The following PRELID2 variants were observed in gnomAD, a reference collection of about 807,000 sequenced individuals.
PRELID2 encodes PRELI domain containing 2.
A neutral mutation model predicts 28.4 loss-of-function variants in PRELID2; 25 were observed. The observed-to-expected ratio is 0.88, with a 90% CI of 0.64 to 1.23. PRELID2 has a LOEUF of 1.23. Among genes scored for constraint, PRELID2 ranks in the 50% most tolerant of loss-of-function variants. The pLI is 0.00. For synonymous variants in PRELID2, 76 were observed against 71.6 expected (o/e 1.06, Z -0.31); for missense variants, 201 against 214.4 (o/e 0.94, Z 0.39).
In PRELID2 at chr5:145,713,450, ATG is replaced by A. The variant is rs1755755413; in HGVS notation, n.70+51479_70+51480del. Among the ~76,000 whole-genome samples, 4 of 144,902 alleles carry A rather than the reference ATG, an allele frequency of 2.8e-5. No individual in the cohort carries two copies. The Admixed American group carries it at 2.8e-4, about 10-fold the overall frequency. The stretch of plus-strand genomic sequence containing the variant: ...TCTGACTTTATATATATACATATAT[ATG>A]TATACTTTATATATATATACACACA... On this transcript the variant is annotated intron_variant and non_coding_transcript_variant, in intron 1 of 2. Transcript: ENST00000510259.
At chr5:145,525,435 G>C (rs182401272) in intron 1 of PRELID2, among the ~76,000 whole-genome samples, 3 of 152,238 alleles carry the variant, frequency 2.0e-5, no homozygotes, top group Admixed American at 1.3e-4. Flanking sequence ...AAATAATATG[G>C]AGTTGAGGGT....
At chr5:145,647,385 T>C (rs1276349144) in intron 1 of PRELID2, among the ~76,000 whole-genome samples, 1 of 152,034 alleles carries the variant, frequency 6.6e-6, no homozygotes, top group East Asian at 1.9e-4. Flanking sequence ...ACCTCAACCA[T>C]CCCAGTTTGA....
the PRELID2 span, among the ~76,000 whole-genome samples, chr5:145,357,006 T>G: frequency 1.3e-5 from 2 of 152,194 alleles, no homozygotes; most frequent in Non-Finnish European, 2.9e-5. Flanking sequence ...AAGTTTAGTT[T>G]GGCTGTATAT....
the PRELID2 span, among the ~76,000 whole-genome samples, chr5:145,403,255 G>C: frequency 6.6e-6 from 1 of 152,160 alleles, no homozygotes; most frequent in African/African-American, 2.4e-5. Context: ...AAAGGGACCA[G>C]TGCCAGGTGT....
At chr5:145,557,323 T>A (rs1254754812) in intron 1 of PRELID2, among the ~76,000 whole-genome samples, 2 of 152,128 alleles carry the variant, frequency 1.3e-5, no homozygotes, top group Non-Finnish European at 2.9e-5. Context: ...ATGAATGAGG[T>A]AGAGACAACA....
chr5:145,320,221 G>A, the PRELID2 span, among the ~76,000 whole-genome samples: 5 of 151,842 alleles, frequency 3.3e-5, no homozygotes, highest in African/African-American at 1.2e-4. Flanking sequence ...ACTTGCACTT[G>A]GCATTTCCTG....
At chr5:145,743,885 G>C (rs962813152) in intron 1 of PRELID2, among the ~76,000 whole-genome samples, 13 of 152,256 alleles carry the variant, frequency 8.5e-5, no homozygotes, top group African/African-American at 3.1e-4. Flanking sequence ...GGGAGGAGCA[G>C]TGGCCAGCAT....
the PRELID2 span, among the ~76,000 whole-genome samples, chr5:145,255,213 G>T: frequency 6.6e-6 from 1 of 151,980 alleles, no homozygotes; most frequent in African/African-American, 2.4e-5. Context: ...TACTGTTAAG[G>T]GAGGAAATAA....
chr5:145,827,289 A>C (rs59985240), intron 1 of PRELID2, among the ~76,000 whole-genome samples: 6,316 of 152,304 alleles, frequency 0.041, 431 homozygotes, highest in African/African-American at 0.14. Context: ...ACCATAGTCT[A>C]TCTCAGAAGA....
rs531477179 is a variant in PRELID2 at position 145,767,245 on chromosome 5, G to T, written c.475-2245C>A. 2.0e-5 allele frequency among the ~76,000 whole-genome samples: 3 copies of T among 151,706 alleles called. No individual in the cohort carries two copies. In the South Asian group the frequency reaches 6.2e-4, roughly 32 times the overall value. On this transcript the variant is annotated intron_variant, in intron 5 of 6. Transcript: ENST00000683046. ...GGAGAGAAGCAGCTTGACTTCAGAGGGATGGCTTGATGGCAGGACCTCAGA... is the reference window on the plus strand; with the variant it reads ...GGAGAGAAGCAGCTTGACTTCAGAGTGATGGCTTGATGGCAGGACCTCAGA...
intron 1 of PRELID2, among the ~76,000 whole-genome samples, chr5:145,629,483 T>C (rs1753902445): frequency 6.6e-6 from 1 of 152,234 alleles, no homozygotes; most frequent in Non-Finnish European, 1.5e-5. Context: ...TGTGGGAATT[T>C]GGAAGTAAAG....
At chr5:145,397,649 G>A in the PRELID2 span, among the ~76,000 whole-genome samples, 1 of 152,166 alleles carries the variant, frequency 6.6e-6, no homozygotes, top group Non-Finnish European at 1.5e-5. Flanking sequence ...GGGACCCTGG[G>A]AGAGAAGATA....
At chr5:145,429,227 G>A in the PRELID2 span, among the ~76,000 whole-genome samples, 6 of 152,216 alleles carry the variant, frequency 3.9e-5, no homozygotes, top group Non-Finnish European at 7.3e-5. Context: ...TGAACCTGAT[G>A]ATAGTGGTAG....
At chr5:145,382,290 C>CT in the PRELID2 span, among the ~76,000 whole-genome samples, 2 of 151,758 alleles carry the variant, frequency 1.3e-5, no homozygotes, top group Admixed American at 6.6e-5. Context: ...AGCAGTCTAG[C>CT]ATACATAAAA....
the PRELID2 span, among the ~76,000 whole-genome samples, chr5:145,239,896 A>G: frequency 2.0e-5 from 3 of 152,042 alleles, no homozygotes; most frequent in Admixed American, 2.0e-4. Context: ...GATAATGACA[A>G]CTAAATGTGA....
the PRELID2 span, among the ~76,000 whole-genome samples, chr5:145,402,051 C>T: frequency 0.024 from 3,614 of 152,230 alleles, 133 homozygotes; most frequent in African/African-American, 0.082. Flanking sequence ...CCATGTGAGG[C>T]GCCTTATTCA....
At chr5:145,553,093 C>T (rs1314375626) in intron 1 of PRELID2, among the ~76,000 whole-genome samples, 3 of 151,580 alleles carry the variant, frequency 2.0e-5, no homozygotes, top group Non-Finnish European at 4.4e-5. Context: ...TCAGAGAGTT[C>T]ACTTGAATTA....
intron 1 of PRELID2, among the ~76,000 whole-genome samples, chr5:145,727,028 T>C (rs1756188883): frequency 6.6e-6 from 1 of 151,992 alleles, no homozygotes; most frequent in African/African-American, 2.4e-5. Flanking sequence ...CCAACGTGAG[T>C]ATGGAGGCTG....
intron 1 of PRELID2, among the ~76,000 whole-genome samples, chr5:145,587,040 C>T (rs1002692997): frequency 6.6e-6 from 1 of 152,088 alleles, no homozygotes; most frequent in Non-Finnish European, 1.5e-5. Flanking sequence ...TGCCAAGAGT[C>T]TATCTGGCCT....
Sources: allele counts gnomAD v4.1 joint callset (sites outside exome capture counted in the v4.1 genomes callset), GRCh38; gene constraint gnomAD v4.1.1; transcripts MANE v1.5; gene names NCBI Gene and HGNC (gene_info 2026-07-23, HGNC 2026-07-21).